Variants in RIC8B observed in about 807,000 individuals in gnomAD.
RIC8B encodes the protein RIC8 guanine nucleotide exchange factor B.
In RIC8B, 16 loss-of-function variants were observed where a neutral mutation model predicts 57.5. That is an observed-to-expected ratio of 0.28 (90% CI 0.19 to 0.42). The LOEUF (loss-of-function observed/expected upper bound fraction) is 0.42. Among genes scored for constraint, RIC8B ranks in the 10% least tolerant of loss-of-function variants. The pLI, the probability that RIC8B is intolerant of heterozygous loss-of-function variation, is 1.00. For missense variants in RIC8B, 481 were observed against 677.0 expected, an observed-to-expected ratio of 0.71 and a Z score of 3.21; for synonymous variants, 216 against 250.8, an observed-to-expected ratio of 0.86 and a Z score of 1.31.
At chr12:106,788,986 T>C (rs1455536849) in intron 2 of RIC8B, among the ~76,000 whole-genome samples, 1 of 152,220 alleles carries the variant, frequency 6.6e-6, no homozygotes, top group African/African-American at 2.4e-5. Context: ...ATTTTTATGC[T>C]GTGTTTCCCT....
At chr12:106,872,482 A>G (rs996485013) in intron 9 of RIC8B, among the ~76,000 whole-genome samples, 1 of 152,126 alleles carries the variant, frequency 6.6e-6, no homozygotes, top group African/African-American at 2.4e-5. Context: ...CAGCCTGACC[A>G]ACATGGAGAA....
intron 6 of RIC8B, among the ~76,000 whole-genome samples, chr12:106,847,048 A>T (rs1949225365): frequency 6.6e-6 from 1 of 152,200 alleles, no homozygotes; most frequent in African/African-American, 2.4e-5. Context: ...ACCTGGTTAA[A>T]TCCAACTCAT....
intron 7 of RIC8B, among the ~76,000 whole-genome samples, chr12:106,854,140 A>G (rs1949616099): frequency 6.6e-6 from 1 of 152,156 alleles, no homozygotes; most frequent in Non-Finnish European, 1.5e-5. Context: ...ATCAAGGAAC[A>G]TGTGGCCAGG....
Position 106,784,022 on chromosome 12 carries a change from C to T in RIC8B, c.110C>T (p.Ser37Leu). Residue 37 changes from serine (S) to leucine (L), a missense_variant, in exon 2 of 10, where the codon TCA becomes TTA. Transcript: ENST00000392837. ...DKHRATFKFE[S>L]TDEDKRKKLC... ...CATAGGGCTACTTTCAAATTTGAAT[C>T]AACAGATGAAGATAAAAGAAAGGTA... 1 of 1,613,730 alleles carries T rather than the reference C, an allele frequency of 6.2e-7. No homozygotes were observed. Among genetic ancestry groups the T allele is most frequent in the South Asian group, 1.1e-5 (1 of 91,022 alleles).
At position 106,825,788 on chromosome 12, in the gene RIC8B, T is replaced by C; in HGVS notation, c.804T>C (p.Gly268=). ...TTCGTCATTGTTTACTAATCGTAGG[T>C]CCAACTGAAGACAAAACAGAAGAGC... is the stretch of plus-strand genomic sequence containing the variant. The part of the protein sequence containing the change: ...AVLRHCLLIV[G]PTEDKTEELH... Residue 268 remains glycine, a synonymous_variant, in exon 4 of 10, where the codon GGT becomes GGC. Transcript: ENST00000392837. 1 of 1,613,608 alleles carries C rather than the reference T, an allele frequency of 6.2e-7. No homozygotes were observed. Among genetic ancestry groups the C allele is most frequent in the Non-Finnish European group, 8.5e-7 (1 of 1,179,548 alleles).
At chr12:106,877,499 T>C (rs919323245) in intron 9 of RIC8B, among the ~76,000 whole-genome samples, 18 of 152,336 alleles carry the variant, frequency 1.2e-4, no homozygotes, top group African/African-American at 3.6e-4. Flanking sequence ...AGTTGAGCTC[T>C]TCGTAGGTAT....
chr12:106,865,426 T>C (rs1363702764), intron 8 of RIC8B, among the ~76,000 whole-genome samples: 1 of 152,176 alleles, frequency 6.6e-6, no homozygotes, highest in Non-Finnish European at 1.5e-5. Flanking sequence ...TCTCAGAGCA[T>C]CTATTATTTT....
Position 106,860,292 on chromosome 12 carries a change from G to C in RIC8B, c.1331G>C (p.Gly444Ala). 6.2e-7 allele frequency: 1 copy of C among 1,604,422 alleles called. No homozygotes were observed. Among genetic ancestry groups the C allele is most frequent in the Non-Finnish European group, 8.5e-7 (1 of 1,175,582 alleles). ...GTGGATAGTCTGCTGAAATACACTG[G>C]CTATGGGAATGCTGCAGGACTGTTG... ...ERVDSLLKYT[G>A]YGNAAGLLAA... Residue 444 changes from glycine to alanine, a missense_variant, in exon 8 of 10, where the codon GGC becomes GCC. Around this residue, in one of 3 missense-constraint regions of RIC8B, gnomAD observed 421 missense variants for 560.9 expected, o/e 0.75. Coordinates refer to ENST00000392837, the MANE Select transcript of RIC8B (RefSeq NM_001330145.2).
At chr12:106,861,025 A>T (rs1046580599) in intron 8 of RIC8B, among the ~76,000 whole-genome samples, 3 of 152,084 alleles carry the variant, frequency 2.0e-5, no homozygotes, top group African/African-American at 7.2e-5. Context: ...TAAAGACACT[A>T]TAATTATTCT....
intron 2 of RIC8B, among the ~76,000 whole-genome samples, chr12:106,789,432 A>T (rs2044172216): frequency 6.6e-6 from 1 of 152,194 alleles, no homozygotes; most frequent in South Asian, 2.1e-4. Context: ...TTAACATACT[A>T]GTCCATTTTC....
At chr12:106,862,695 C>A (rs998193285) in intron 8 of RIC8B, among the ~76,000 whole-genome samples, 1 of 152,104 alleles carries the variant, frequency 6.6e-6, no homozygotes, top group African/African-American at 2.4e-5. Flanking sequence ...ACTTACTCTT[C>A]ATCCAGTTGG....
intron 9 of RIC8B, among the ~76,000 whole-genome samples, chr12:106,876,487 G>T (rs1699360592): frequency 6.6e-6 from 1 of 152,018 alleles, no homozygotes; most frequent in Admixed American, 6.6e-5. Context: ...TATACTGTAA[G>T]GTTGCTTGGA....
At chr12:106,846,575 G>T (rs1949195260) in intron 6 of RIC8B, among the ~76,000 whole-genome samples, 1 of 152,096 alleles carries the variant, frequency 6.6e-6, no homozygotes, top group Admixed American at 6.6e-5. Flanking sequence ...TTCCACATTT[G>T]ATTATTTTAA....
At chr12:106,884,128 A>T (rs1181156473) in intron 9 of RIC8B, among the ~76,000 whole-genome samples, 1 of 152,216 alleles carries the variant, frequency 6.6e-6, no homozygotes, top group African/African-American at 2.4e-5. Context: ...ACCTCACTTG[A>T]CAGTGCCCTC....
intron 8 of RIC8B, among the ~76,000 whole-genome samples, chr12:106,863,543 A>C (rs934051648): frequency 3.9e-5 from 6 of 151,900 alleles, no homozygotes; most frequent in African/African-American, 1.2e-4. Flanking sequence ...GGGCTTTATA[A>C]ATTTATTTAT....
At chr12:106,782,226 G>A (rs948913788) in intron 1 of RIC8B, among the ~76,000 whole-genome samples, 1 of 152,018 alleles carries the variant, frequency 6.6e-6, no homozygotes, top group Non-Finnish European at 1.5e-5. Context: ...CCACTATGTT[G>A]GATGACACTG....
chr12:106,825,683 G>A (rs2046064192), intron 3 of RIC8B, 43 bp from the exon 4 acceptor site: 1 of 1,446,460 alleles, frequency 6.9e-7, no homozygotes, highest in Non-Finnish European at 9.7e-7. Flanking sequence ...CACTGTTCAG[G>A]CATTCAACCC....
At chr12:106,837,496 A>G (rs956004615) in intron 4 of RIC8B, among the ~76,000 whole-genome samples, 2 of 152,206 alleles carry the variant, frequency 1.3e-5, no homozygotes, top group Admixed American at 1.3e-4. Flanking sequence ...ATGCCAGAGA[A>G]TAAGTTCTGT....
intron 9 of RIC8B, among the ~76,000 whole-genome samples, chr12:106,882,046 T>C (rs1950962727): frequency 6.6e-6 from 1 of 152,220 alleles, no homozygotes; most frequent in Admixed American, 6.5e-5. Flanking sequence ...CAATATTGTT[T>C]AATGTGTGTG....
Sources: allele counts gnomAD v4.1 joint callset (sites outside exome capture counted in the v4.1 genomes callset), GRCh38; gene constraint gnomAD v4.1.1; regional missense constraint gnomAD v4.1.1; transcripts MANE v1.5; gene names NCBI Gene and HGNC (gene_info 2026-07-23, HGNC 2026-07-21).